The following TRPM1 variants were observed in gnomAD, a reference collection of about 807,000 sequenced individuals.
The protein encoded by TRPM1 is TRPM1-203 APA Isoform, Intron 10.
Under a neutral mutation model 149.4 loss-of-function variants are expected in TRPM1, and 113 were observed. The observed-to-expected ratio is 0.76, with a 90% CI of 0.65 to 0.88. The LOEUF is 0.88. Ranked by LOEUF, TRPM1 falls within the 40% of genes least tolerant of loss-of-function variation. The pLI is 0.00. For missense variants in TRPM1, 1,976 were observed against 2,038.7 expected, an observed-to-expected ratio of 0.97 and a Z score of 0.59; for synonymous variants, 741 against 759.5, an observed-to-expected ratio of 0.98 and a Z score of 0.40.
chr15:31,101,979 C>T (rs1041851524), upstream of TRPM1, among the ~76,000 whole-genome samples: 2 of 152,244 alleles, frequency 1.3e-5, no homozygotes, highest in Non-Finnish European at 1.5e-5. Flanking sequence ...CCCCCTCCCA[C>T]CCAGCCGCCC....
intron 1 of TRPM1, among the ~76,000 whole-genome samples, chr15:31,148,339 C>T (rs1040604842): frequency 1.1e-4 from 17 of 152,212 alleles, no homozygotes; most frequent in African/African-American, 3.9e-4. Flanking sequence ...CGCTCACACC[C>T]TCCAGCTCCA....
At chr15:31,147,647 C>T (rs1392274831) in intron 1 of TRPM1, among the ~76,000 whole-genome samples, 2 of 152,214 alleles carry the variant, frequency 1.3e-5, no homozygotes, top group Non-Finnish European at 2.9e-5. Context: ...GGCGGGGAAT[C>T]GAGGTGCGAG....
intron 4 of TRPM1, chr15:31,069,718 G>A: frequency 7.0e-7 from 1 of 1,424,042 alleles, no homozygotes. Flanking sequence ...TTAGAAAAAT[G>A]AATTTGTCTT....
At chr15:31,087,547 C>T (rs974752125) in intron 1 of TRPM1, among the ~76,000 whole-genome samples, 1 of 152,068 alleles carries the variant, frequency 6.6e-6, no homozygotes, top group Non-Finnish European at 1.5e-5. Flanking sequence ...AGCCACCATG[C>T]CCGGCCTCAA....
intron 1 of TRPM1, among the ~76,000 whole-genome samples, chr15:31,110,658 C>T (rs944461307): frequency 1.3e-5 from 2 of 152,140 alleles, no homozygotes; most frequent in African/African-American, 4.8e-5. Flanking sequence ...CTTCTGCACC[C>T]TACGGCTCAG....
At chr15:31,092,028 G>A (rs2035253484) in intron 1 of TRPM1, among the ~76,000 whole-genome samples, 1 of 134,826 alleles carries the variant, frequency 7.4e-6, no homozygotes, top group African/African-American at 2.7e-5. Context: ...TCCCAGGTGG[G>A]CCCAAGCCCC....
At chr15:31,063,415 G>GAATTCCTTCCAGCCA in intron 7 of TRPM1, 123 bp from the exon 8 acceptor site, 2 of 1,271,360 alleles carry the variant, frequency 1.6e-6, no homozygotes, top group Non-Finnish European at 2.3e-6. Context: ...CTATCTGGCT[G>GAATTCCTTCCAGCCA]GAAGGAATTC....
intron 1 of TRPM1, among the ~76,000 whole-genome samples, chr15:31,139,086 A>C (rs2036126513): frequency 6.6e-6 from 1 of 152,182 alleles, no homozygotes. Context: ...CACCTGGAAC[A>C]TTCCATATAA....
chr15:31,082,976 G>A (rs1232372869), intron 1 of TRPM1, among the ~76,000 whole-genome samples: 3 of 152,074 alleles, frequency 2.0e-5, no homozygotes, highest in Non-Finnish European at 4.4e-5. Flanking sequence ...CACACAGGTG[G>A]GGGCGACCCA....
intron 2 of TRPM1, 32 bp from the exon 3 acceptor site, chr15:31,077,016 A>G (rs1415739537): frequency 5.5e-6 from 8 of 1,457,886 alleles, no homozygotes; most frequent in South Asian, 2.3e-5. Context: ...ATATTGGACC[A>G]ATACATTCCC....
intron 13 of TRPM1, 41 bp downstream of exon 13, chr15:31,049,334 T>A (rs1368985823): frequency 6.2e-7 from 1 of 1,613,824 alleles, no homozygotes; most frequent in Non-Finnish European, 8.5e-7. Flanking sequence ...CACATTTAGG[T>A]GGCTGCCTCC....
intron 1 of TRPM1, among the ~76,000 whole-genome samples, chr15:31,129,009 G>T (rs1000458631): frequency 6.6e-6 from 1 of 152,218 alleles, no homozygotes; most frequent in Non-Finnish European, 1.5e-5. Context: ...ATGCCATTCC[G>T]GTGGCAGCCT....
chr15:31,126,540 G>T (rs1474791520), intron 1 of TRPM1, among the ~76,000 whole-genome samples: 3 of 152,204 alleles, frequency 2.0e-5, no homozygotes, highest in African/African-American at 7.2e-5. Flanking sequence ...AGTGGGTCCA[G>T]TGTCCTAGGA....
chr15:31,130,842 G>A (rs112264283), intron 1 of TRPM1, among the ~76,000 whole-genome samples: 69 of 152,230 alleles, frequency 4.5e-4, no homozygotes, highest in Admixed American at 1.1e-3. Context: ...CCTAGTCTCC[G>A]AATGTTCAGG....
At position 31,042,365 on chromosome 15, in the gene TRPM1, C is replaced by G. The variant is rs2033646691; in HGVS notation, c.1795-122G>C. ...TAATAAAGAGACTTCTGAAGTACAT[C>G]TTACATTTCCACTCCGCATATGAAT... is the stretch of plus-strand genomic sequence containing the variant. On this transcript the variant is annotated intron_variant, in intron 16 of 27. Coordinates refer to ENST00000256552, the MANE Select transcript of TRPM1 (RefSeq NM_001252024.2). 2.4e-5 allele frequency: 24 copies of G among 982,132 alleles called. No homozygotes were observed. In the South Asian group the frequency reaches 3.1e-4, roughly 13 times the overall value. The allele number at this position is 982,132 out of a possible 1,614,324, so 60.8% of individuals were successfully genotyped here. A position where few individuals can be genotyped will look rare whatever the true frequency, so the allele number is the denominator to read the frequency against.
chr15:31,076,990 A>C lies in TRPM1; in HGVS notation c.4-6T>G. Reference sequence around the variant, plus strand: ...TCTATCCAAGATTTCTGACCCTGGAAGAGAGAGAGAAGTGGATATTGGACC... The same window carrying C: ...TCTATCCAAGATTTCTGACCCTGGACGAGAGAGAGAAGTGGATATTGGACC... On this transcript the variant is annotated splice_region_variant and splice_polypyrimidine_tract_variant and intron_variant, in intron 2 of 27. Transcript: ENST00000256552. 6.3e-7 allele frequency: 1 copy of C among 1,594,470 alleles called. No individual in the cohort carries two copies.
intron 1 of TRPM1, among the ~76,000 whole-genome samples, chr15:31,090,606 T>C (rs1385159220): frequency 1.3e-5 from 2 of 151,358 alleles, no homozygotes; most frequent in East Asian, 3.9e-4. Flanking sequence ...CACTGCACTC[T>C]AGCCTGGGCA....
At position 31,063,203 on chromosome 15, in the gene TRPM1, G is replaced by A. The variant is rs1475067783; in HGVS notation, c.880C>T (p.Pro294Ser). The change falls in exon 8 of 28, where the codon CCT becomes TCT. Residue 294 changes from proline (P) to serine (S), a missense_variant. This residue lies in a region of TRPM1 where 1,332 missense variants were observed against 1,347.1 expected (regional missense o/e 0.99). Transcript: ENST00000256552. ...SIVLEYLQEE[P>S]PIPVVICDGS... ...TCACAAATCACCACAGGGATGGGAG[G>A]CTCTTCTTGCAGGTATTCCAAGACG... 1 of 1,614,198 alleles carries A rather than the reference G, an allele frequency of 6.2e-7. No homozygotes were observed. Among genetic ancestry groups the A allele is most frequent in the Non-Finnish European group, 8.5e-7 (1 of 1,180,034 alleles).
chr15:31,051,943 G>C (rs114278505), intron 11 of TRPM1, among the ~76,000 whole-genome samples: 127 of 152,304 alleles, frequency 8.3e-4, no homozygotes, highest in African/African-American at 3.0e-3. Context: ...GGGGAGCATT[G>C]TGACATCTCA....
Sources: gnomAD v4.1 joint callset for allele counts (sites outside exome capture counted in the v4.1 genomes callset) on GRCh38, gnomAD v4.1.1 for gene constraint, gnomAD v4.1.1 regional missense constraint, MANE v1.5 for transcripts, NCBI Gene and HGNC (gene_info 2026-07-23, HGNC 2026-07-21) for gene names.